The following ELN variants were observed in gnomAD, a reference collection of about 807,000 sequenced individuals.
ELN encodes elastin, also known as tropoelastin.
In ELN, 65 loss-of-function variants were observed where a neutral mutation model predicts 105.8. The observed-to-expected ratio is 0.61, with a 90% CI of 0.50 to 0.75. ELN has a LOEUF of 0.75. Ranked by LOEUF, ELN falls within the 30% of genes least tolerant of loss-of-function variation. ELN has a pLI of 0.00. For synonymous variants in ELN, 368 were observed against 389.2 expected (o/e 0.95, Z 0.64); for missense variants, 882 against 969.4 (o/e 0.91, Z 1.20).
Position 74,060,191 on chromosome 7 carries a change from G to A in ELN, c.1621+7G>A. ...GCTGCCAAAGCCCAGCTCCGTGAGT[G>A]CCTCGCCCACCTTTCTCTCCTCTCC... On this transcript the variant is annotated splice_region_variant and intron_variant, in intron 24 of 32. Transcript: ENST00000252034. 1 of 1,614,038 alleles carries A rather than the reference G, an allele frequency of 6.2e-7. No homozygotes were observed. The highest frequency in any genetic ancestry group is 2.2e-5 in the East Asian group (1 of 44,890).
intron 4 of ELN, among the ~76,000 whole-genome samples, chr7:74,040,599 GT>G (rs1170129204): frequency 1.3e-5 from 2 of 152,196 alleles, no homozygotes; most frequent in Non-Finnish European, 2.9e-5. Flanking sequence ...ACCTGGCATG[GT>G]TGTGAACTCT....
chr7:74,059,999 G>C lies in ELN; in HGVS notation c.1528G>C (p.Ala510Pro), dbSNP rs782178542. 6.2e-7 allele frequency: 1 copy of C among 1,614,016 alleles called. No individual in the cohort carries two copies. Among genetic ancestry groups the C allele is most frequent in the Non-Finnish European group, 8.5e-7 (1 of 1,179,970 alleles). Reference protein sequence around the residue: ...GVGVAPGVGVAPGVGVAPGIG... With the variant: ...GVGVAPGVGVPPGVGVAPGIG... ...TGGCGTGGCTCCTGGAGTTGGTGTG[G>C]CTCCTGGCGTTGGCGTGGCTCCCGG... The change falls in exon 23 of 33, where the codon GCT becomes CCT. Residue 510 changes from alanine (A) to proline (P), a missense_variant. Coordinates refer to ENST00000252034, the MANE Select transcript of ELN (RefSeq NM_000501.4).
chr7:74,051,370 C>T (rs1793990601), intron 15 of ELN, among the ~76,000 whole-genome samples: 1 of 152,184 alleles, frequency 6.6e-6, no homozygotes, highest in Non-Finnish European at 1.5e-5. Context: ...CTGCCAGAGC[C>T]AAGCAGCCAG....
intron 17 of ELN, chr7:74,052,664 CGGAA>C (rs782375003): frequency 0.011 from 1,319 of 115,774 alleles, 13 homozygotes; most frequent in Middle Eastern, 0.065. Flanking sequence ...GAAGGAAAGA[CGGAA>C]GGAAGGAAGG....
At position 74,063,634 on chromosome 7, in the gene ELN, C is replaced by T. The variant is rs782238627; in HGVS notation, c.1932C>T (p.Ala644=). The change falls in exon 29 of 33, where the codon GCC becomes GCT. Residue 644 remains alanine, a synonymous_variant. Coordinates refer to ENST00000252034, the MANE Select transcript of ELN (RefSeq NM_000501.4). This position sits in a 1 kb window ranked among gnomAD's most constrained non-coding sequence, Gnocchi z 4.1. ...CTGTCTCCACAGGCCTAGTGGGAGC[C>T]GCTGGGCTCGGAGGACTCGGAGTCG... is the stretch of plus-strand genomic sequence containing the variant. ...AKAAQFGLVG[A]AGLGGLGVGG... is the part of the protein sequence containing the mutation. 201 of 1,614,032 alleles carry T rather than the reference C, an allele frequency of 1.2e-4. No individual in the cohort carries two copies. The highest frequency in any genetic ancestry group is 1.6e-4 in the Non-Finnish European group (187 of 1,180,040).
rs781937189 is a variant in ELN, at chr7:74,066,751, C to A, written c.2106C>A (p.Gly702=). Reference sequence around the variant, plus strand: ...CTGCAGGAGTGGCAGCAAGACCTGGCTTCGGATTGTCTCCCATTTTCCCAG... The same window carrying A: ...CTGCAGGAGTGGCAGCAAGACCTGGATTCGGATTGTCTCCCATTTTCCCAG... ...FPLGGVAARP[G]FGLSPIFPGG... Residue 702 remains glycine, a synonymous_variant, in exon 32 of 33, where the codon GGC becomes GGA. Coordinates refer to ENST00000252034, the MANE Select transcript of ELN (RefSeq NM_000501.4). 1.9e-5 allele frequency: 31 copies of A among 1,613,592 alleles called. No homozygotes were observed. The highest frequency in any genetic ancestry group is 2.6e-5 in the Non-Finnish European group (31 of 1,179,758).
At chr7:74,041,357 T>A in intron 5 of ELN, 106 bp downstream of exon 5, 1 of 1,453,838 alleles carries the variant, frequency 6.9e-7, no homozygotes, top group Non-Finnish European at 9.6e-7. Context: ...CAGGCCAGGT[T>A]CCGTCCTGGG....
At chr7:74,066,510 T>G (rs1370091867) in intron 31 of ELN, among the ~76,000 whole-genome samples, 1 of 152,020 alleles carries the variant, frequency 6.6e-6, no homozygotes, top group Non-Finnish European at 1.5e-5. Flanking sequence ...GAGGTTGCAG[T>G]GAGCCAAGAT....
chr7:74,039,770 T>C (rs1365577728), intron 4 of ELN, among the ~76,000 whole-genome samples: 2 of 152,216 alleles, frequency 1.3e-5, no homozygotes, highest in African/African-American at 4.8e-5. Flanking sequence ...TCTGCACACA[T>C]GCTCACTGGT....
Position 74,042,646 on chromosome 7 carries a change from G to A in ELN, c.265G>A (p.Gly89Arg), listed in dbSNP as rs1791503904. Residue 89 changes from glycine to arginine, a missense_variant, in exon 6 of 33, where the codon GGG (glycine) becomes AGG (arginine). Transcript: ENST00000252034. ...CGCCTTCCCCGCAGTTACCTTTCCG[G>A]GGGCTCTGGTGCCTGGTGGAGTGGC... ...LGAFPAVTFP[G>R]ALVPGGVADA... 1.9e-6 allele frequency: 3 copies of A among 1,613,554 alleles called. No homozygotes were observed. The highest frequency in any genetic ancestry group is 3.3e-5 in the Admixed American group (2 of 60,002).
intron 17 of ELN, chr7:74,052,925 G>T (rs1055445803): frequency 1.9e-5 from 11 of 580,650 alleles, no homozygotes; most frequent in African/African-American, 5.6e-5. Context: ...GGAAAGAAAA[G>T]AAAAGAAAAA....
chr7:74,040,433 G>C (rs1487803162), intron 4 of ELN, among the ~76,000 whole-genome samples: 1 of 152,228 alleles, frequency 6.6e-6, no homozygotes, highest in African/African-American at 2.4e-5. Context: ...GAGGGACGAG[G>C]AGTGGTTAGT....
chr7:74,044,979 T>C (rs782708328), intron 9 of ELN, among the ~76,000 whole-genome samples: 1 of 152,118 alleles, frequency 6.6e-6, no homozygotes, highest in Non-Finnish European at 1.5e-5. Flanking sequence ...GAGATGAGGC[T>C]GACTGAGGCA....
At chr7:74,050,460 T>A (rs1324157037) in intron 15 of ELN, among the ~76,000 whole-genome samples, 1 of 151,474 alleles carries the variant, frequency 6.6e-6, no homozygotes, top group African/African-American at 2.4e-5. Flanking sequence ...GATTCTTCCA[T>A]CCATCCATCC....
chr7:74,036,614 CTGAAAGGG>C, intron 3 of ELN, 30 bp downstream of exon 3: 1 of 1,614,100 alleles, frequency 6.2e-7, no homozygotes, highest in Non-Finnish European at 8.5e-7. Context: ...TTGTTCATCA[CTGAAAGGG>C]CCTGGGTTTC....
At position 74,052,956 on chromosome 7, in the gene ELN, A is replaced by T; in HGVS notation, c.950-207A>T. ...AAAAAGAAAGAGATCACATTCCTCC[A>T]GCTCACTGATTCAAATCCTAGAGCT... On this transcript the variant is annotated intron_variant, in intron 17 of 32. Coordinates refer to ENST00000252034, the MANE Select transcript of ELN (RefSeq NM_000501.4). 4.8e-6 allele frequency: 3 copies of T among 630,682 alleles called. No individual in the cohort carries two copies. In the South Asian group the frequency reaches 5.9e-5, roughly 12 times the overall value. 39.1% of individuals were successfully genotyped at this position (630,682 alleles called of 1,614,324 possible).
At chr7:74,068,136 A>G (rs557030751) in intron 32 of ELN, among the ~76,000 whole-genome samples, 2 of 152,144 alleles carry the variant, frequency 1.3e-5, no homozygotes, top group Non-Finnish European at 1.5e-5. Flanking sequence ...CCATCAGACT[A>G]TTCCCAGGAG....
rs781921056 is a variant in ELN at position 74,048,531 on chromosome 7, G to C, written c.774G>C (p.Ala258=). The change falls in exon 15 of 33, where the codon GCG becomes GCC. Residue 258 remains alanine (A), a synonymous_variant. Coordinates refer to ENST00000252034, the MANE Select transcript of ELN (RefSeq NM_000501.4). ...TTGGCCCCCAGGCAGCAGCAGCAGC[G>C]GCAGCTAAAGCAGCAGCAAAGTTCG... ...TGVGPQAAAA[A]AAKAAAKFGA... is the part of the protein sequence containing the mutation. 6.2e-7 allele frequency: 1 copy of C among 1,613,900 alleles called. No homozygotes were observed. Among genetic ancestry groups the C allele is most frequent in the Non-Finnish European group, 8.5e-7 (1 of 1,179,918 alleles).
At chr7:74,064,414 C>CAAAAA (rs782201893) in intron 29 of ELN, among the ~76,000 whole-genome samples, 3 of 134,328 alleles carry the variant, frequency 2.2e-5, no homozygotes, top group Admixed American at 7.3e-5. Flanking sequence ...GACTCCGTCT[C>CAAAAA]AAAAAAAAAA....
Sources: gnomAD v4.1 joint callset for allele counts (sites outside exome capture counted in the v4.1 genomes callset) on GRCh38, gnomAD v4.1.1 for gene constraint, Gnocchi (gnomAD v3.1) non-coding constraint, MANE v1.5 for transcripts, NCBI Gene and HGNC (gene_info 2026-07-23, HGNC 2026-07-21) for gene names.